The following ZAP70 variants were observed in gnomAD, a reference collection of about 807,000 sequenced individuals.
ZAP70 encodes zeta chain of T cell receptor associated protein kinase 70, also known as tyrosine-protein kinase ZAP-70.
A neutral mutation model predicts 65.8 loss-of-function variants in ZAP70; 27 were observed. The ratio of observed to expected loss-of-function variants is 0.41; its 90% CI spans 0.30 to 0.57. The LOEUF is 0.57. ZAP70 is among the 20% of genes least tolerant of loss of function. The pLI is 0.28. For synonymous variants in ZAP70, 363 were observed against 360.8 expected (o/e 1.01, Z -0.07); for missense variants, 696 against 870.5 (o/e 0.80, Z 2.52).
At chr2:97,722,079 G>C (rs989375145) in intron 2 of ZAP70, among the ~76,000 whole-genome samples, 2 of 151,222 alleles carry the variant, frequency 1.3e-5, no homozygotes, top group Non-Finnish European at 2.9e-5. Flanking sequence ...CACCACGCTC[G>C]GCCTATTTTA....
intron 2 of ZAP70, among the ~76,000 whole-genome samples, chr2:97,719,527 G>T (rs1028046086): frequency 6.7e-5 from 10 of 150,114 alleles, no homozygotes; most frequent in Non-Finnish European, 1.5e-4. Context: ...GACTGCCAGG[G>T]GTGCTATCAG....
chr2:97,724,478 G>T (rs1170808440), intron 3 of ZAP70, 40 bp downstream of exon 3: 2 of 1,510,516 alleles, frequency 1.3e-6, no homozygotes, highest in Admixed American at 2.0e-5. Context: ...GGAGGGGCGT[G>T]GCCGAAGAGG....
At chr2:97,728,242 G>A (rs190786590) in intron 4 of ZAP70, among the ~76,000 whole-genome samples, 12 of 152,328 alleles carry the variant, frequency 7.9e-5, no homozygotes, top group African/African-American at 2.4e-4. Context: ...TCAAACTGGC[G>A]TGCAGTCTCC....
intron 2 of ZAP70, among the ~76,000 whole-genome samples, chr2:97,723,353 T>G (rs973180069): frequency 2.2e-4 from 33 of 152,248 alleles, no homozygotes; most frequent in Non-Finnish European, 7.3e-5. Flanking sequence ...GGTAGGGCCC[T>G]TGGGTGAGCA....
At chr2:97,734,916 G>A (rs1376279782) in intron 9 of ZAP70, 1 of 751,182 alleles carries the variant, frequency 1.3e-6, no homozygotes, top group Non-Finnish European at 2.1e-6. Context: ...CTGGGCAGGG[G>A]GAGGCTGTGG....
chr2:97,714,910 GC>G (rs2104632829), intron 2 of ZAP70, among the ~76,000 whole-genome samples: 1 of 152,242 alleles, frequency 6.6e-6, no homozygotes, highest in African/African-American at 2.4e-5. Flanking sequence ...GAGCCTGGGG[GC>G]CTGGCTTCAC....
intron 7 of ZAP70, 70 bp downstream of exon 7, chr2:97,733,413 T>C: frequency 6.3e-7 from 1 of 1,592,570 alleles, no homozygotes; most frequent in Non-Finnish European, 8.6e-7. Context: ...GAGGCTGGGA[T>C]GGAGGCTGGG....
chr2:97,718,660 C>A (rs1677045032), intron 2 of ZAP70, among the ~76,000 whole-genome samples: 1 of 152,174 alleles, frequency 6.6e-6, no homozygotes, highest in African/African-American at 2.4e-5. Flanking sequence ...CAGCCCTGGG[C>A]TGGGCACTGA....
At chr2:97,754,591 C>T in the ZAP70 span, among the ~76,000 whole-genome samples, 3 of 152,038 alleles carry the variant, frequency 2.0e-5, no homozygotes, top group Non-Finnish European at 4.4e-5. Flanking sequence ...TTAGTAGAGA[C>T]GGGATTTCAC....
At chr2:97,754,172 T>C in the ZAP70 span, among the ~76,000 whole-genome samples, 1 of 152,310 alleles carries the variant, frequency 6.6e-6, no homozygotes, top group South Asian at 2.1e-4. Flanking sequence ...ATACCTACCC[T>C]TAGAGTAATT....
intron 10 of ZAP70, among the ~76,000 whole-genome samples, 187 bp downstream of exon 10, chr2:97,735,643 A>G (rs1677843448): frequency 6.6e-6 from 1 of 152,230 alleles, no homozygotes. Flanking sequence ...CCCTCAGTCC[A>G]CCATTGCACC....
At chr2:97,742,515 G>A (rs1192668569), downstream of ZAP70, among the ~76,000 whole-genome samples, 1 of 152,260 alleles carries the variant, frequency 6.6e-6, no homozygotes, top group South Asian at 2.1e-4. Context: ...GGCCACATGG[G>A]TGAGGATATG....
At chr2:97,718,172 G>C (rs1677015404) in intron 2 of ZAP70, among the ~76,000 whole-genome samples, 1 of 152,168 alleles carries the variant, frequency 6.6e-6, no homozygotes. Flanking sequence ...GCAGGTCGAG[G>C]GCTGGGGTGG....
At chr2:97,721,468 CA>C (rs1677151335) in intron 2 of ZAP70, among the ~76,000 whole-genome samples, 3 of 152,160 alleles carry the variant, frequency 2.0e-5, no homozygotes, top group South Asian at 4.2e-4. Context: ...GGCTGGAGTG[CA>C]ATGGCGTGAC....
At position 97,724,018 on chromosome 2, in the gene ZAP70, T is replaced by G. The variant is rs1271915021; in HGVS notation, c.-19T>G. ...TCCGACCCTCTGTGAACCCGCAGGT[T>G]TCGGGAGGCCCAGGGGCGATGCCAG... On this transcript the variant is annotated splice_region_variant and 5_prime_UTR_variant, in exon 3 of 14. Transcript: ENST00000264972. The G allele has an allele frequency of 2.6e-6, 4 of 1,544,332 alleles. No individual in the cohort carries two copies. Among genetic ancestry groups the G allele is most frequent in the Non-Finnish European group, 3.5e-6 (4 of 1,151,766 alleles).
intron 2 of ZAP70, among the ~76,000 whole-genome samples, chr2:97,717,738 G>A (rs1676996123): frequency 6.6e-6 from 1 of 152,252 alleles, no homozygotes; most frequent in East Asian, 1.9e-4. Context: ...GCTTTTCACA[G>A]CATTTGAAAC....
downstream of ZAP70, among the ~76,000 whole-genome samples, chr2:97,741,039 C>T (rs1338892236): frequency 6.6e-6 from 1 of 152,174 alleles, no homozygotes; most frequent in East Asian, 1.9e-4. Flanking sequence ...CAAAAGGACA[C>T]GTTGCATTAA....
intron 4 of ZAP70, among the ~76,000 whole-genome samples, chr2:97,730,215 A>G (rs529363983): frequency 6.6e-6 from 1 of 152,346 alleles, no homozygotes; most frequent in African/African-American, 2.4e-5. Context: ...CAACAAGAGC[A>G]AAACTCTGTC....
At chr2:97,728,623 T>G (rs6714710) in intron 4 of ZAP70, among the ~76,000 whole-genome samples, 78,192 of 152,120 alleles carry the variant, frequency 0.51, 20,695 homozygotes, top group African/African-American at 0.59. Context: ...AGAACAGATT[T>G]AATTGTACCC....
Sources: gnomAD v4.1 joint callset for allele counts (sites outside exome capture counted in the v4.1 genomes callset) on GRCh38, gnomAD v4.1.1 for gene constraint, MANE v1.5 for transcripts, NCBI Gene and HGNC (gene_info 2026-07-23, HGNC 2026-07-21) for gene names.